Variants in SPTAN1 observed in about 807,000 individuals in gnomAD.
SPTAN1 encodes the protein spectrin alpha chain, non-erythrocytic 1.
Under a neutral mutation model 331.3 loss-of-function variants are expected in SPTAN1, and 61 were observed. The observed-to-expected ratio is 0.18, with a 90% CI of 0.15 to 0.23. SPTAN1 has a LOEUF of 0.23. SPTAN1 is among the 10% of genes least tolerant of loss of function. The pLI is 1.00. For missense variants in SPTAN1, 2,043 were observed against 3,147.9 expected (o/e 0.65, Z 8.40); for synonymous variants, 1,153 against 1,173.9 (o/e 0.98, Z 0.36).
At chr9:128,579,942 T>C (rs1851740899) in intron 10 of SPTAN1, among the ~76,000 whole-genome samples, 1 of 152,168 alleles carries the variant, frequency 6.6e-6, no homozygotes, top group South Asian at 2.1e-4. Flanking sequence ...CTGGGGCATG[T>C]GTGGCATGTT....
chr9:128,589,059 C>A, intron 21 of SPTAN1, 116 bp downstream of exon 21: 1 of 1,439,028 alleles, frequency 6.9e-7, no homozygotes. Flanking sequence ...AATTCAAAGA[C>A]ATGAGTTTCC....
chr9:128,617,762 T>G lies in SPTAN1; in HGVS notation c.5478+2T>G, dbSNP rs1589352198. The G allele has an allele frequency of 6.2e-7, 1 of 1,613,790 alleles. No homozygotes were observed. Among genetic ancestry groups the G allele is most frequent in the Non-Finnish European group, 8.5e-7 (1 of 1,179,948 alleles). ...GCTGCGCATGAGCCGGCTATTCAGGTAAGGAGGCCGCCTTCTGGCCAAGAG... is the reference window on the plus strand; with the variant it reads ...GCTGCGCATGAGCCGGCTATTCAGGGAAGGAGGCCGCCTTCTGGCCAAGAG... On this transcript the variant is annotated splice_donor_variant, in intron 42 of 56. Transcript: ENST00000372739. LOFTEE classifies it high-confidence loss of function.
At position 128,605,169 on chromosome 9, in the gene SPTAN1, C is replaced by T. The variant is rs370435310; in HGVS notation, c.3855C>T (p.Leu1285=). 4.3e-6 allele frequency: 7 copies of T among 1,613,984 alleles called. No homozygotes were observed. The highest frequency in any genetic ancestry group is 1.7e-5 in the Admixed American group (1 of 60,012). ...GCTTCGAGAGGGACCTTGCGGCTCTCGGTGACAAGGTGAGAGGACCCAAAG... is the reference window on the plus strand; with the variant it reads ...GCTTCGAGAGGGACCTTGCGGCTCTTGGTGACAAGGTGAGAGGACCCAAAG... ...HEGFERDLAA[L]GDKVNSLGET... is the part of the protein sequence containing the mutation. Residue 1285 remains leucine (L), a synonymous_variant, in exon 30 of 57, where the codon CTC becomes CTT. Transcript: ENST00000372739.
intron 40 of SPTAN1, among the ~76,000 whole-genome samples, chr9:128,615,356 T>C (rs1857035306): frequency 6.6e-6 from 1 of 152,198 alleles, no homozygotes; most frequent in Non-Finnish European, 1.5e-5. Flanking sequence ...CCACTTCTGC[T>C]AGTAGTTTGC....
intron 44 of SPTAN1, 99 bp downstream of exon 44, chr9:128,619,102 A>G: frequency 6.4e-7 from 1 of 1,551,684 alleles, no homozygotes; most frequent in Admixed American, 1.8e-5. Context: ...TGCTCTTACT[A>G]GGAGAGCACA....
intron 51 of SPTAN1, chr9:128,630,032 G>T (rs1459916800): frequency 1.8e-6 from 1 of 551,186 alleles, no homozygotes; most frequent in Non-Finnish European, 3.4e-6. Flanking sequence ...ACCCATGGGG[G>T]AATTTAAACT....
Position 128,603,530 on chromosome 9 carries a change from C to T in SPTAN1, c.3580-13C>T. 1.2e-6 allele frequency: 2 copies of T among 1,614,184 alleles called. No individual in the cohort carries two copies. The highest frequency in any genetic ancestry group is 1.7e-6 in the Non-Finnish European group (2 of 1,180,030). On this transcript the variant is annotated splice_polypyrimidine_tract_variant and intron_variant, in intron 27 of 56. Transcript: ENST00000372739. ...CTTGATTAGTTTTGCCTTCTGCTTT[C>T]CTCCCTACCTAGTCTGCTCGTCTGA...
chr9:128,569,935 CTAA>C (rs1224708308), intron 3 of SPTAN1, among the ~76,000 whole-genome samples: 2 of 152,074 alleles, frequency 1.3e-5, no homozygotes, highest in African/African-American at 4.8e-5. Flanking sequence ...TTAACTATTA[CTAA>C]TAATGATGAT....
At chr9:128,607,735 C>A (rs199981833) in intron 32 of SPTAN1, 32 bp downstream of exon 32, 3 of 1,612,490 alleles carry the variant, frequency 1.9e-6, no homozygotes, top group East Asian at 2.2e-5. Flanking sequence ...GTAGCAAAGA[C>A]GTGGCTGCTC....
chr9:128,608,524 G>C (rs1415029808), intron 34 of SPTAN1, among the ~76,000 whole-genome samples: 4 of 152,120 alleles, frequency 2.6e-5, no homozygotes, highest in African/African-American at 9.7e-5. Context: ...AGGGAATAAT[G>C]AACAAACAAC....
intron 1 of SPTAN1, among the ~76,000 whole-genome samples, chr9:128,562,725 G>T (rs1297381627): frequency 6.6e-6 from 1 of 151,680 alleles, no homozygotes; most frequent in Non-Finnish European, 1.5e-5. Context: ...AAAACTTTGG[G>T]AGGCCAAGGT....
chr9:128,591,896 G>T (rs1853588418), intron 22 of SPTAN1, among the ~76,000 whole-genome samples: 1 of 152,158 alleles, frequency 6.6e-6, no homozygotes, highest in African/African-American at 2.4e-5. Flanking sequence ...TTTGGTTCGA[G>T]ATGCTTTTTG....
At chr9:128,591,742 C>G (rs1408984622) in intron 22 of SPTAN1, 117 bp downstream of exon 22, 1 of 1,286,374 alleles carries the variant, frequency 7.8e-7, no homozygotes, top group African/African-American at 1.5e-5. Flanking sequence ...ACGCCTCCTG[C>G]TGTCTCCACC....
chr9:128,567,531 C>T (rs1850179788), intron 2 of SPTAN1, among the ~76,000 whole-genome samples: 1 of 152,050 alleles, frequency 6.6e-6, no homozygotes, highest in Non-Finnish European at 1.5e-5. Context: ...TCAGGTGATC[C>T]ACCCACCTTG....
intron 18 of SPTAN1, 114 bp from the exon 19 acceptor site, chr9:128,585,634 C>A: frequency 1.1e-6 from 1 of 880,486 alleles, no homozygotes; most frequent in Non-Finnish European, 1.9e-6. Flanking sequence ...AAGGGCACAG[C>A]TCACCAAAAC....
chr9:128,633,433 C>T lies in SPTAN1; in HGVS notation c.*99C>T. ...TCTCACTTTCCACTGTAACCTTAAG[C>T]CTGCTTAGCTTGGAATAAGACTTAG... On this transcript the variant is annotated 3_prime_UTR_variant, in exon 57 of 57. Coordinates refer to ENST00000372739, the MANE Select transcript of SPTAN1 (RefSeq NM_001130438.3). 6.3e-7 allele frequency: 1 copy of T among 1,583,728 alleles called. No homozygotes were observed. The highest frequency in any genetic ancestry group is 8.6e-7 in the Non-Finnish European group (1 of 1,160,662).
intron 51 of SPTAN1, chr9:128,628,251 A>G (rs894216883): frequency 3.4e-5 from 18 of 526,246 alleles, no homozygotes; most frequent in African/African-American, 3.0e-4. Flanking sequence ...CAGAGGCCCT[A>G]AGAACCCCCG....
chr9:128,603,397 AC>A, intron 27 of SPTAN1, 145 bp from the exon 28 acceptor site: 1 of 845,094 alleles, frequency 1.2e-6, no homozygotes. Context: ...TGACACTTGT[AC>A]TGATGTCTCT....
intron 52 of SPTAN1, 115 bp downstream of exon 52, chr9:128,630,490 T>C: frequency 1.9e-6 from 2 of 1,042,728 alleles, no homozygotes; most frequent in Non-Finnish European, 3.0e-6. Flanking sequence ...ATTGTACCCT[T>C]TTCCCTTGGC....
Sources: allele counts gnomAD v4.1 joint callset (sites outside exome capture counted in the v4.1 genomes callset), GRCh38; gene constraint gnomAD v4.1.1; transcripts MANE v1.5; gene names NCBI Gene and HGNC (gene_info 2026-07-23, HGNC 2026-07-21).